The following ONECUT3 variants were observed in gnomAD, a reference collection of about 807,000 sequenced individuals.
ONECUT3 encodes the protein one cut domain family member 3.
A neutral mutation model predicts 16.8 loss-of-function variants in ONECUT3; 11 were observed. That is an observed-to-expected ratio of 0.66 (90% confidence interval 0.41 to 1.09). The LOEUF (loss-of-function observed/expected upper bound fraction) is 1.09, where lower values mean the gene tolerates loss of function less well. Ranked by LOEUF, ONECUT3 falls within the 50% of genes least tolerant of loss-of-function variation. The pLI is 0.00. For missense variants in ONECUT3, 637 were observed against 629.9 expected (o/e 1.01, Z -0.12); for synonymous variants, 344 against 310.7 (o/e 1.11, Z -1.13).
At position 1,753,681 on chromosome 19, in the gene ONECUT3, A is replaced by G. The variant is rs1015627909; in HGVS notation, c.19A>G (p.Ser7Gly). The G allele has an allele frequency of 2.7e-4, 280 of 1,049,616 alleles. No individual in the cohort carries two copies. The highest frequency in any genetic ancestry group is 3.0e-4 in the Non-Finnish European group (266 of 873,112). The allele number at this position is 1,049,616 out of a possible 1,614,324, so 65.0% of individuals were successfully genotyped here. MELSLE[S>G]LGGLHSVAHA... ...GCCGAGCATGGAGCTGAGCCTGGAG[A>G]GCCTGGGGGGCCTGCACAGCGTGGC... The change falls in exon 1 of 2, where the codon AGC (serine) becomes GGC (glycine). Residue 7 changes from serine to glycine, a missense_variant. Around this residue, in one of 3 missense-constraint regions of ONECUT3, gnomAD observed 419 missense variants for 377.9 expected, o/e 1.11. Coordinates refer to ENST00000382349, the MANE Select transcript of ONECUT3 (RefSeq NM_001080488.2).
In ONECUT3 at chr19:1,770,449, G is replaced by A. The variant is rs151049498; in HGVS notation, c.1193-4704G>A. On this transcript the variant is annotated intron_variant, in intron 1 of 1. Coordinates refer to ENST00000382349, the MANE Select transcript of ONECUT3 (RefSeq NM_001080488.2). ...AAGACCCTGTCTCAAAACAAAACAA[G>A]AATTATTGTTAAGAATTGAGTGACC... 2.0e-3 allele frequency among the ~76,000 whole-genome samples: 307 copies of A among 152,156 alleles called. 1 individual carries two copies. Among genetic ancestry groups the A allele is most frequent in the African/African-American group, 4.9e-3 (202 of 41,502 alleles).
chr19:1,754,355 A>G lies in ONECUT3; in HGVS notation c.693A>G (p.Pro231=). 1 of 1,083,264 alleles carries G rather than the reference A, an allele frequency of 9.2e-7. No homozygotes were observed. The highest frequency in any genetic ancestry group is 1.1e-6 in the Non-Finnish European group (1 of 891,028). The allele number at this position is 1,083,264 out of a possible 1,614,324, so 67.1% of individuals were successfully genotyped here. Residue 231 remains proline (P), a synonymous_variant, in exon 1 of 2, where the codon CCA becomes CCG. Coordinates refer to ENST00000382349, the MANE Select transcript of ONECUT3 (RefSeq NM_001080488.2). The surrounding 1 kb of genome is among the most constrained non-coding windows in gnomAD (Gnocchi z 7.4). ...PPPPLAAYGP[P]GHLAGDKLLP... ...CGCCGCTGGCCGCCTACGGCCCGCC[A>G]GGCCACCTGGCTGGGGACAAGCTGC...
At position 1,758,226 on chromosome 19, in the gene ONECUT3, A is replaced by G. The variant is rs2067927074; in HGVS notation, c.1192+3372A>G. On this transcript the variant is annotated intron_variant, in intron 1 of 1. Transcript: ENST00000382349. This position sits in a 1 kb window ranked among gnomAD's most constrained non-coding sequence, Gnocchi z 5.9. ...GGGAGAGACCGGGAGCGGGAGAAACAGACGGGGAGAAGAGAAAAAGAAGCC... is the reference window on the plus strand; with the variant it reads ...GGGAGAGACCGGGAGCGGGAGAAACGGACGGGGAGAAGAGAAAAAGAAGCC... Among the ~76,000 whole-genome samples, 1 of 151,654 alleles carries G rather than the reference A, an allele frequency of 6.6e-6. No homozygotes were observed. Among genetic ancestry groups the G allele is most frequent in the Non-Finnish European group, 1.5e-5 (1 of 67,848 alleles).
intron 1 of ONECUT3, among the ~76,000 whole-genome samples, chr19:1,768,908 G>GAGGTGGTGGAGGTGA (rs61356835): frequency 0.044 from 5,098 of 115,276 alleles, 105 homozygotes; most frequent in East Asian, 0.064. Flanking sequence ...GGAGGTGGTG[G>GAGGTGGTGGAGGTGA]AGGTGGAGGT....
chr19:1,758,433 G>A lies in ONECUT3; in HGVS notation c.1192+3579G>A, dbSNP rs79088938. Among the ~76,000 whole-genome samples, 5,534 of 151,782 alleles carry A rather than the reference G, an allele frequency of 0.036. 301 individuals carry two copies. Among genetic ancestry groups the A allele is most frequent in the African/African-American group, 0.12 (5,108 of 41,396 alleles). On this transcript the variant is annotated intron_variant, in intron 1 of 1. Transcript: ENST00000382349. This position sits in a 1 kb window ranked among gnomAD's most constrained non-coding sequence, Gnocchi z 5.9. The stretch of plus-strand genomic sequence containing the variant: ...CCTTCTTCCCCATGGGGTAGGACTT[G>A]GGAGAGGGGAATAGGTGTTTTCCTT...
chr19:1,774,149 A>G (rs1262153058), intron 1 of ONECUT3, among the ~76,000 whole-genome samples: 2 of 151,788 alleles, frequency 1.3e-5, no homozygotes, highest in African/African-American at 4.8e-5. Context: ...GAGGGAGGCC[A>G]AGTCTGGGTG....
Position 1,775,991 on chromosome 19 carries a change from C to T in ONECUT3, c.*546C>T, listed in dbSNP as rs890245773. 2.0e-5 allele frequency: 3 copies of T among 149,734 alleles called. No homozygotes were observed. Among genetic ancestry groups the T allele is most frequent in the Non-Finnish European group, 4.4e-5 (3 of 67,628 alleles). 9.3% of individuals were successfully genotyped at this position (149,734 alleles called of 1,614,324 possible). On this transcript the variant is annotated 3_prime_UTR_variant, in exon 2 of 2. Coordinates refer to ENST00000382349, the MANE Select transcript of ONECUT3 (RefSeq NM_001080488.2). ...GCCAAAAACCCACATCAAGCCGGATCCTTACGGTCCCCCACCCTCTCCAAA... is the reference window on the plus strand; with the variant it reads ...GCCAAAAACCCACATCAAGCCGGATTCTTACGGTCCCCCACCCTCTCCAAA...
chr19:1,768,022 C>T (rs1031188483), intron 1 of ONECUT3, among the ~76,000 whole-genome samples: 3 of 152,056 alleles, frequency 2.0e-5, no homozygotes, highest in Admixed American at 1.3e-4. Context: ...CAGATCAGAG[C>T]CTCTCGGGGG....
At chr19:1,767,751 G>A (rs1244425204) in intron 1 of ONECUT3, among the ~76,000 whole-genome samples, 1 of 152,244 alleles carries the variant, frequency 6.6e-6, no homozygotes. Context: ...TTGATGCTGG[G>A]GGCGGCGGCG....
In ONECUT3 at chr19:1,764,991, G is replaced by C. The variant is rs1229652831; in HGVS notation, c.1192+10137G>C. Among the ~76,000 whole-genome samples the C allele has an allele frequency of 5.9e-5, 9 of 152,250 alleles. No homozygotes were observed. The East Asian group carries it at 1.7e-3, about 29-fold the overall frequency. ...TGAAGCCAGAGGTGGCTGAGGGAGG[G>C]GATCTCCAGCTCCAGGACACAGGGA... On this transcript the variant is annotated intron_variant, in intron 1 of 1. Transcript: ENST00000382349. This position sits in a 1 kb window ranked among gnomAD's most constrained non-coding sequence, Gnocchi z 5.0.
At position 1,778,891 on chromosome 19, in the gene ONECUT3, C is replaced by CACACACACACACACACAT. The variant is rs1555801760; in HGVS notation, c.*3463_*3464insTACACACACACACACACA. On this transcript the variant is annotated 3_prime_UTR_variant, in exon 2 of 2. Transcript: ENST00000382349. ...TCACACACACACACACACACACACA[C>CACACACACACACACACAT]ACACACACACACACACACACACCCC... 1.1e-4 allele frequency: 16 copies of CACACACACACACACACAT among 150,818 alleles called. No individual in the cohort carries two copies. Among genetic ancestry groups the CACACACACACACACACAT allele is most frequent in the African/African-American group, 3.7e-4 (15 of 40,518 alleles). The allele number at this position is 150,818 out of a possible 1,614,324, so 9.3% of individuals were successfully genotyped here. A position where few individuals can be genotyped will look rare whatever the true frequency, so the allele number is the denominator to read the frequency against.
chr19:1,760,356 A>G (rs938130181), intron 1 of ONECUT3, among the ~76,000 whole-genome samples: 4 of 150,874 alleles, frequency 2.7e-5, no homozygotes, highest in Admixed American at 1.3e-4. Context: ...GCATTCCAGG[A>G]AGGTGACGCT....
rs1017692227 is a variant in ONECUT3 at position 1,755,821 on chromosome 19, C to T, written c.1192+967C>T. ...CTCCCTCCTCCCTCCCAGCTGACAA[C>T]AGCTAAGTCCACACCTGCCCTCTGA... On this transcript the variant is annotated intron_variant, in intron 1 of 1. Coordinates refer to ENST00000382349, the MANE Select transcript of ONECUT3 (RefSeq NM_001080488.2). This position sits in a 1 kb window ranked among gnomAD's most constrained non-coding sequence, Gnocchi z 7.5. Among the ~76,000 whole-genome samples, 4 of 152,240 alleles carry T rather than the reference C, an allele frequency of 2.6e-5. No homozygotes were observed. Among genetic ancestry groups the T allele is most frequent in the African/African-American group, 9.6e-5 (4 of 41,466 alleles).
rs2067949615 is a variant in ONECUT3, at chr19:1,762,189, C to A, written c.1192+7335C>A. ...AGTGGCTGCGCCATCTGGAGACCCT[C>A]GTGCTGGCTGCTGGGGGTCCTGCGT... On this transcript the variant is annotated intron_variant, in intron 1 of 1. Coordinates refer to ENST00000382349, the MANE Select transcript of ONECUT3 (RefSeq NM_001080488.2). The surrounding 1 kb of genome is among the most constrained non-coding windows in gnomAD (Gnocchi z 4.4). 6.6e-6 allele frequency among the ~76,000 whole-genome samples: 1 copy of A among 152,232 alleles called. No homozygotes were observed. The highest frequency in any genetic ancestry group is 6.5e-5 in the Admixed American group (1 of 15,290).
chr19:1,760,219 T>C (rs1364646355), intron 1 of ONECUT3, among the ~76,000 whole-genome samples: 1 of 152,204 alleles, frequency 6.6e-6, no homozygotes, highest in Non-Finnish European at 1.5e-5. Context: ...CGGAGTCAGC[T>C]TCCGCTAGGA....
chr19:1,758,670 AC>A lies in ONECUT3; in HGVS notation c.1192+3820del, dbSNP rs2067930486. Among the ~76,000 whole-genome samples the A allele has an allele frequency of 6.7e-6, 1 of 148,662 alleles. No homozygotes were observed. Among genetic ancestry groups the A allele is most frequent in the African/African-American group, 2.5e-5 (1 of 40,382 alleles). ...GGGCTGGGAGCCTCACCCTACCCCC[AC>A]CCCATGGTCCTCCGAGTCCCGCACT... On this transcript the variant is annotated intron_variant, in intron 1 of 1. Coordinates refer to ENST00000382349, the MANE Select transcript of ONECUT3 (RefSeq NM_001080488.2). The surrounding 1 kb of genome is among the most constrained non-coding windows in gnomAD (Gnocchi z 5.9).
rs111998769 is a variant in ONECUT3, at chr19:1,755,974, C to T, written c.1192+1120C>T. The stretch of plus-strand genomic sequence containing the variant: ...GGGCTGTCCACCCGGGCCACAGGGA[C>T]AATAGCCGCGGCGGCTGGCGCCTGA... On this transcript the variant is annotated intron_variant, in intron 1 of 1. Transcript: ENST00000382349. This position sits in a 1 kb window ranked among gnomAD's most constrained non-coding sequence, Gnocchi z 7.5. 9.5e-3 allele frequency among the ~76,000 whole-genome samples: 1,441 copies of T among 152,294 alleles called. 22 individuals carry two copies. The highest frequency in any genetic ancestry group is 0.033 in the African/African-American group (1,380 of 41,542).
intron 1 of ONECUT3, among the ~76,000 whole-genome samples, chr19:1,772,598 T>C (rs1015351620): frequency 9.2e-5 from 14 of 151,984 alleles, no homozygotes; most frequent in Non-Finnish European, 7.4e-5. Flanking sequence ...CCCTGCTTCA[T>C]CTTAATTCAT....
intron 1 of ONECUT3, among the ~76,000 whole-genome samples, chr19:1,765,812 G>A (rs1028199774): frequency 7.9e-5 from 12 of 152,166 alleles, no homozygotes; most frequent in African/African-American, 2.7e-4. Context: ...CCCCATGGCT[G>A]CAGTGGTGAG....
Sources: gnomAD v4.1 joint callset for allele counts (sites outside exome capture counted in the v4.1 genomes callset) on GRCh38, gnomAD v4.1.1 for gene constraint, gnomAD v4.1.1 regional missense constraint, Gnocchi (gnomAD v3.1) non-coding constraint, MANE v1.5 for transcripts, NCBI Gene and HGNC (gene_info 2026-07-23, HGNC 2026-07-21) for gene names.